Variants in PPARGC1B observed in about 807,000 individuals in gnomAD.
PPARGC1B encodes PPARG coactivator 1 beta.
Under a neutral mutation model 101.6 loss-of-function variants are expected in PPARGC1B, and 34 were observed. The ratio of observed to expected loss-of-function variants is 0.33; its 90% CI spans 0.25 to 0.45. The LOEUF is 0.45. Among genes scored for constraint, PPARGC1B ranks in the 20% least tolerant of loss-of-function variants. The pLI, the probability that PPARGC1B is intolerant of heterozygous loss-of-function variation, is 1.00. For missense variants in PPARGC1B, 1,234 were observed against 1,317.6 expected (o/e 0.94, Z 0.98); for synonymous variants, 548 against 539.3 (o/e 1.02, Z -0.22).
intron 8 of PPARGC1B, among the ~76,000 whole-genome samples, chr5:149,839,109 G>A (rs912269981): frequency 2.0e-5 from 3 of 152,222 alleles, no homozygotes; most frequent in Non-Finnish European, 4.4e-5. Context: ...AGATGAGGAA[G>A]CTGAGGCTCA....
In PPARGC1B at chr5:149,849,698, T is replaced by G. The variant is rs1759700224; in HGVS notation, c.*2140T>G. On this transcript the variant is annotated 3_prime_UTR_variant, in exon 12 of 12. Transcript: ENST00000309241. ...GCTGGGTTTCATGCTGGCCTATCCC[T>G]GTCTGTGATGTTCCGTTCCATGAGA... 6.6e-6 allele frequency: 1 copy of G among 152,248 alleles called. No individual in the cohort carries two copies. Among genetic ancestry groups the G allele is most frequent in the Non-Finnish European group, 1.5e-5 (1 of 68,040 alleles). The allele number at this position is 152,248 out of a possible 1,614,324, so 9.4% of individuals were successfully genotyped here. A position where few individuals can be genotyped will look rare whatever the true frequency, so the allele number is the denominator to read the frequency against.
downstream of PPARGC1B, among the ~76,000 whole-genome samples, chr5:149,856,324 A>C (rs1379358724): frequency 1.3e-5 from 2 of 152,182 alleles, no homozygotes; most frequent in Non-Finnish European, 2.9e-5. Context: ...CATTAAAATT[A>C]ATAGGAACGT....
At chr5:149,791,244 A>T (rs1377367709) in intron 1 of PPARGC1B, among the ~76,000 whole-genome samples, 1 of 151,108 alleles carries the variant, frequency 6.6e-6, no homozygotes, top group Non-Finnish European at 1.5e-5. Context: ...GTGAGCTGAG[A>T]TCCCACTACT....
chr5:149,847,343 TGG>T lies in PPARGC1B; in HGVS notation c.2972-113_2972-112del, dbSNP rs755279246. The T allele has an allele frequency of 3.6e-6, 3 of 827,928 alleles. No individual in the cohort carries two copies. The East Asian group carries it at 7.2e-5, about 20-fold the overall frequency. The allele number at this position is 827,928 out of a possible 1,614,324, so 51.3% of individuals were successfully genotyped here. ...CGCTCATCCCAGCTCCCCAAGGCCTTGGGCTGCAGCCACTCCACGGTGCCCAC... is the reference window on the plus strand; with the variant it reads ...CGCTCATCCCAGCTCCCCAAGGCCTTGCTGCAGCCACTCCACGGTGCCCAC... On this transcript the variant is annotated intron_variant, in intron 11 of 11. Coordinates refer to ENST00000309241, the MANE Select transcript of PPARGC1B (RefSeq NM_133263.4).
chr5:149,839,757 G>C (rs26129), intron 8 of PPARGC1B, among the ~76,000 whole-genome samples: 2,272 of 152,258 alleles, frequency 0.015, 26 homozygotes, highest in Non-Finnish European at 0.021. Flanking sequence ...GGCATAGAGA[G>C]GCAAGGCTCA....
chr5:149,745,978 T>A (rs928291530), intron 1 of PPARGC1B, among the ~76,000 whole-genome samples: 7 of 152,176 alleles, frequency 4.6e-5, no homozygotes, highest in African/African-American at 1.7e-4. Context: ...GACAGTTTGA[T>A]GTATCAGGCC....
At chr5:149,739,543 C>T (rs1011962128) in intron 1 of PPARGC1B, among the ~76,000 whole-genome samples, 6 of 152,168 alleles carry the variant, frequency 3.9e-5, no homozygotes, top group Non-Finnish European at 8.8e-5. Context: ...AGCTGAGGTC[C>T]AGCTGCTTGG....
rs1453080175 is a variant in PPARGC1B at position 149,782,506 on chromosome 5, G to A, written c.79-37927G>A. Among the ~76,000 whole-genome samples, 5 of 152,196 alleles carry A rather than the reference G, an allele frequency of 3.3e-5. No homozygotes were observed. In the East Asian group the frequency reaches 7.7e-4, roughly 24 times the overall value. ...CGGGGAAGAAGGAAGGATGTGGGCC[G>A]AGTGGGCCTGGACGGCTGACAGATC... On this transcript the variant is annotated intron_variant, in intron 1 of 11. Transcript: ENST00000309241.
Position 149,826,870 on chromosome 5 carries a change from G to T in PPARGC1B, c.450G>T (p.Val150=), listed in dbSNP as rs1258021286. 4.3e-6 allele frequency: 7 copies of T among 1,611,318 alleles called. No individual in the cohort carries two copies. Among genetic ancestry groups the T allele is most frequent in the Non-Finnish European group, 5.9e-6 (7 of 1,178,386 alleles). Residue 150 remains valine, a synonymous_variant, in exon 3 of 12, where the codon GTG becomes GTT. Coordinates refer to ENST00000309241, the MANE Select transcript of PPARGC1B (RefSeq NM_133263.4). ...PEKPSAPAPE[V]DELSLLQKLL... is the part of the protein sequence containing the mutation. ...AGCCCTCGGCCCCAGCCCCTGAGGT[G>T]GACGAGCTCTCACTGGTAAGAACCT... is the stretch of plus-strand genomic sequence containing the variant.
At position 149,730,469 on chromosome 5, in the gene PPARGC1B, G is replaced by A; in HGVS notation, c.78+49G>A. 7.0e-7 allele frequency: 1 copy of A among 1,427,036 alleles called. No homozygotes were observed. 88.4% of individuals were successfully genotyped at this position (1,427,036 alleles called of 1,614,324 possible). On this transcript the variant is annotated intron_variant, in intron 1 of 11. Transcript: ENST00000309241. This position sits in a 1 kb window ranked among gnomAD's most constrained non-coding sequence, Gnocchi z 4.0. ...CCCGGGGCCAGGGGTGCTGAGCTGC[G>A]GGGGCCGCAGCTGCAGCCGCGGAGG...
chr5:149,826,955 T>A (rs1581101890), intron 3 of PPARGC1B, 70 bp downstream of exon 3: 1 of 1,221,158 alleles, frequency 8.2e-7, no homozygotes, highest in East Asian at 2.3e-5. Context: ...GGGCATGGGG[T>A]GCAGAGCAAT....
chr5:149,734,736 T>C (rs1754635826), intron 1 of PPARGC1B, among the ~76,000 whole-genome samples: 1 of 152,236 alleles, frequency 6.6e-6, no homozygotes, highest in African/African-American at 2.4e-5. Flanking sequence ...TGGTTTCCTA[T>C]ACCCAGATAA....
At chr5:149,771,921 A>G (rs1039784802) in intron 1 of PPARGC1B, 11 of 1,049,242 alleles carry the variant, frequency 1.0e-5, no homozygotes, top group South Asian at 5.9e-5. Context: ...GTTGTCCCCA[A>G]GCTTTAGCAT....
intron 1 of PPARGC1B, among the ~76,000 whole-genome samples, chr5:149,753,103 G>GATCAT (rs1755377582): frequency 2.0e-5 from 3 of 152,218 alleles, no homozygotes; most frequent in African/African-American, 7.2e-5. Context: ...TTTCTACTTA[G>GATCAT]TATTTCTTAA....
chr5:149,836,803 G>A lies in PPARGC1B; in HGVS notation c.2348G>A (p.Cys783Tyr). Residue 783 changes from cysteine to tyrosine, a missense_variant, in exon 8 of 12, where the codon TGC becomes TAC. Around this residue, in one of 3 missense-constraint regions of PPARGC1B, gnomAD observed 497 missense variants for 529.5 expected, o/e 0.94. Transcript: ENST00000309241. ...CTGGAGGAGGAAGACCTGGCCTCCTGCAAGAGCCCTGAGTATGACACTGTC... is the reference window on the plus strand; with the variant it reads ...CTGGAGGAGGAAGACCTGGCCTCCTACAAGAGCCCTGAGTATGACACTGTC... ...TALEEEDLAS[C>Y]KSPEYDTVFE... is the part of the protein sequence containing the mutation. 1 of 1,613,510 alleles carries A rather than the reference G, an allele frequency of 6.2e-7. No homozygotes were observed. The highest frequency in any genetic ancestry group is 8.5e-7 in the Non-Finnish European group (1 of 1,180,024).
rs747470859 is a variant in PPARGC1B, at chr5:149,832,746, T to C, written c.673T>C (p.Cys225Arg). 6.2e-7 allele frequency: 1 copy of C among 1,612,156 alleles called. No individual in the cohort carries two copies. Among genetic ancestry groups the C allele is most frequent in the Non-Finnish European group, 8.5e-7 (1 of 1,178,780 alleles). The change falls in exon 5 of 12, where the codon TGC becomes CGC. Residue 225 changes from cysteine to arginine, a missense_variant. Physicochemically the swap from Cys to Arg is radical, Grantham distance 180 (BLOSUM62 -3). This residue lies in a region of PPARGC1B where 734 missense variants were observed against 768.4 expected (regional missense o/e 0.96). Transcript: ENST00000309241. This position sits in a 1 kb window ranked among gnomAD's most constrained non-coding sequence, Gnocchi z 4.9. ...ELHKHLTSAQ[C>R]CLQDRGLQPP... is the part of the protein sequence containing the mutation. ...ACATAAGCACCTCACCTCGGCACAG[T>C]GCTGCCTGCAGGATCGGGGTCTGCA...
intron 1 of PPARGC1B, among the ~76,000 whole-genome samples, chr5:149,753,511 T>C (rs1755394724): frequency 6.6e-6 from 1 of 151,868 alleles, no homozygotes; most frequent in Non-Finnish European, 1.5e-5. Context: ...GTGCCTGGCC[T>C]ATTTATTTAT....
At position 149,826,780 on chromosome 5, in the gene PPARGC1B, C is replaced by T. The variant is rs576291052; in HGVS notation, c.360C>T (p.Asp120=). 164 of 1,613,814 alleles carry T rather than the reference C, an allele frequency of 1.0e-4. 1 individual carries two copies. The highest frequency in any genetic ancestry group is 4.3e-4 in the South Asian group (39 of 91,072). ...LAAFPALDGG[D]ALSCTSASPA... ...CCTTCCCAGCCCTGGATGGTGGAGA[C>T]GCTCTATCATGCACCTCAGCTTCGC... Residue 120 remains aspartate, a synonymous_variant, in exon 3 of 12, where the codon GAC becomes GAT. Coordinates refer to ENST00000309241, the MANE Select transcript of PPARGC1B (RefSeq NM_133263.4).
intron 1 of PPARGC1B, among the ~76,000 whole-genome samples, chr5:149,798,153 A>G (rs1287490267): frequency 6.6e-6 from 1 of 152,254 alleles, no homozygotes; most frequent in African/African-American, 2.4e-5. Flanking sequence ...GACCAAGCCC[A>G]AATTAATGCA....
Sources: allele counts gnomAD v4.1 joint callset (sites outside exome capture counted in the v4.1 genomes callset), GRCh38; gene constraint gnomAD v4.1.1; regional missense constraint gnomAD v4.1.1; non-coding constraint Gnocchi (gnomAD v3.1); transcripts MANE v1.5; gene names NCBI Gene and HGNC (gene_info 2026-07-23, HGNC 2026-07-21).